The following WNK3 variants were observed in gnomAD, a reference collection of about 807,000 sequenced individuals.
WNK3 encodes serine/threonine-protein kinase WNK3.
In WNK3, 18 loss-of-function variants were observed where a neutral mutation model predicts 116.7. The ratio of observed to expected loss-of-function variants is 0.15; its 90% CI spans 0.11 to 0.23. The LOEUF (loss-of-function observed/expected upper bound fraction) is 0.23. Among genes scored for constraint, WNK3 ranks in the 10% least tolerant of loss-of-function variants. The pLI, the probability that WNK3 is intolerant of heterozygous loss-of-function variation, is 1.00. For synonymous variants in WNK3, 404 were observed against 469.4 expected (o/e 0.86, Z 1.80); for missense variants, 993 against 1,323.8 (o/e 0.75, Z 3.88).
exon 2 of WNK3, chrX:54,333,553 C>T (rs1569539173): frequency 8.3e-7 from 1 of 1,210,650 alleles, no homozygotes; most frequent in African/African-American, 1.7e-5. Context: ...CTGTTTTTCT[C>T]CTTTAGTCTA....
At chrX:54,235,254 T>G (rs934270270) in intron 20 of WNK3, among the ~76,000 whole-genome samples, 1 of 112,412 alleles carries the variant, frequency 8.9e-6, no homozygotes, top group Admixed American at 9.4e-5. Flanking sequence ...TGGAGCATTA[T>G]TCAAGCTTGT....
intron 22 of WNK3, among the ~76,000 whole-genome samples, chrX:54,203,479 C>T (rs782115977): frequency 9.0e-6 from 1 of 111,280 alleles, no homozygotes; most frequent in South Asian, 3.8e-4. Context: ...TTCTTTTAAT[C>T]ATGAAAAAAT....
intron 10 of WNK3, among the ~76,000 whole-genome samples, chrX:54,276,218 T>A (rs1276032121): frequency 9.1e-6 from 1 of 110,357 alleles, no homozygotes; most frequent in African/African-American, 3.3e-5. Flanking sequence ...TGCACGCCTG[T>A]AATCCCAGCT....
At chrX:54,205,602 CACACACACAT>C (rs1268345695) in intron 22 of WNK3, among the ~76,000 whole-genome samples, 1 of 111,878 alleles carries the variant, frequency 8.9e-6, no homozygotes, top group African/African-American at 3.2e-5. Context: ...AGAACAACTA[CACACACACAT>C]ACACACACAA....
intron 10 of WNK3, among the ~76,000 whole-genome samples, chrX:54,276,649 G>GT (rs2068451831): frequency 9.3e-6 from 1 of 107,021 alleles, no homozygotes; most frequent in African/African-American, 3.4e-5. Context: ...ATATCAACAA[G>GT]TAAAAAAAAA....
Position 54,293,127 on chromosome X carries a change from A to T in WNK3, c.1887+7T>A, listed in dbSNP as rs782779235. Reference sequence around the variant, plus strand: ...TATATATTTAAAAATATAACAGTTCACCTCACCCCTGAAACTTGCTGGTAA... The same window carrying T: ...TATATATTTAAAAATATAACAGTTCTCCTCACCCCTGAAACTTGCTGGTAA... On this transcript the variant is annotated splice_region_variant and intron_variant, in intron 9 of 23. Transcript: ENST00000354646. The T allele has an allele frequency of 1.8e-5, 21 of 1,195,557 alleles. No individual in the cohort carries two copies. Among genetic ancestry groups the T allele is most frequent in the Non-Finnish European group, 2.3e-5 (20 of 887,980 alleles).
At chrX:54,298,843 CTAAAG>C (rs1422410754) in intron 6 of WNK3, among the ~76,000 whole-genome samples, 1 of 112,121 alleles carries the variant, frequency 8.9e-6, no homozygotes, top group African/African-American at 3.2e-5. Context: ...TTTATAAACT[CTAAAG>C]TACGTTAAAA....
chrX:54,239,203 T>TTA, intron 17 of WNK3, 104 bp from the exon 18 acceptor site: 1 of 337,867 alleles, frequency 3.0e-6, no homozygotes, highest in Non-Finnish European at 4.5e-6. Flanking sequence ...GTGAAGCTTT[T>TTA]AAAAAAAAAA....
At chrX:54,273,475 G>C (rs2068407308) in intron 10 of WNK3, among the ~76,000 whole-genome samples, 2 of 111,606 alleles carry the variant, frequency 1.8e-5, no homozygotes, top group African/African-American at 6.5e-5. Context: ...CCGGAAGGCG[G>C]AGGTTGCAGT....
In WNK3 at chrX:54,271,058, C is replaced by T. The variant is rs781808130; in HGVS notation, c.2038-11720G>A. Reference sequence around the variant, plus strand: ...CCTCCCAAAGTGCTGGGATTACAGGCGTGAGCCACTGCGCCCAGCCTAAAA... The same window carrying T: ...CCTCCCAAAGTGCTGGGATTACAGGTGTGAGCCACTGCGCCCAGCCTAAAA... On this transcript the variant is annotated intron_variant, in intron 10 of 23. Transcript: ENST00000354646. Among the ~76,000 whole-genome samples, 93 of 112,018 alleles carry T rather than the reference C, an allele frequency of 8.3e-4. 1 individual carries two copies. Among genetic ancestry groups the T allele is most frequent in the Non-Finnish European group, 1.5e-3 (82 of 53,240 alleles).
chrX:54,280,504 T>C (rs1557162139), intron 10 of WNK3, among the ~76,000 whole-genome samples: 1 of 111,318 alleles, frequency 9.0e-6, no homozygotes, highest in Non-Finnish European at 1.9e-5. Context: ...AAATGGAAAT[T>C]AAGAAAACAA....
At chrX:54,237,358 T>G (rs1268940996) in exon 20 of WNK3, 3 of 1,209,843 alleles carry the variant, frequency 2.5e-6, no homozygotes, top group Non-Finnish European at 3.4e-6. Flanking sequence ...ACAGGTTTCC[T>G]GAAGAGCTTG....
In WNK3 at chrX:54,197,952, T is replaced by TA. The variant is rs782069866; in HGVS notation, c.*371dup. The stretch of plus-strand genomic sequence containing the variant: ...GTATCCAGCTGCAGATAGCAGCAGT[T>TA]AAAAAAAAAAAAAAAAAAGGCGGGG... On this transcript the variant is annotated 3_prime_UTR_variant, in exon 24 of 24. Transcript: ENST00000354646. 682 of 86,811 alleles carry TA rather than the reference T, an allele frequency of 7.9e-3. 5 individuals are homozygous for TA. The highest frequency in any genetic ancestry group is 0.016 in the Middle Eastern group (3 of 182). 7.2% of individuals were successfully genotyped at this position (86,811 alleles called of 1,213,427 possible).
exon 24 of WNK3, chrX:54,198,221 G>A: frequency 1.3e-6 from 1 of 746,692 alleles, no homozygotes; most frequent in South Asian, 4.0e-5. Context: ...AAACTCAAAT[G>A]AGGGAAAATA....
chrX:54,266,025 C>T (rs781887553), intron 10 of WNK3, among the ~76,000 whole-genome samples: 4 of 112,094 alleles, frequency 3.6e-5, no homozygotes, highest in Non-Finnish European at 5.6e-5. Flanking sequence ...TGAATTAGAC[C>T]AGCACGACAA....
chrX:54,213,584 T>TAAAAAAAAAAAAAAAA (rs2067648065), intron 22 of WNK3, among the ~76,000 whole-genome samples: 1 of 66,574 alleles, frequency 1.5e-5, no homozygotes, highest in Non-Finnish European at 2.7e-5. Context: ...AAAAAAAAAC[T>TAAAAAAAAAAAAAAAA]AGGGGAAAAA....
intron 3 of WNK3, 82 bp downstream of exon 3, chrX:54,311,037 A>G (rs1022656613): frequency 1.0e-4 from 75 of 719,086 alleles, no homozygotes; most frequent in Non-Finnish European, 1.4e-4. Context: ...TTCTTTGAGT[A>G]GTTTTATTTT....
At chrX:54,254,486 A>G (rs1284488622) in intron 12 of WNK3, among the ~76,000 whole-genome samples, 1 of 112,342 alleles carries the variant, frequency 8.9e-6, no homozygotes, top group Non-Finnish European at 1.9e-5. Context: ...TATGGACAGC[A>G]ATCTAGCAAC....
At chrX:54,267,900 C>T (rs2068333397) in intron 10 of WNK3, among the ~76,000 whole-genome samples, 1 of 110,839 alleles carries the variant, frequency 9.0e-6, no homozygotes, top group South Asian at 3.8e-4. Context: ...AAAGAGCAGG[C>T]TTGGGGTGGT....
Sources: gnomAD v4.1 joint callset for allele counts (sites outside exome capture counted in the v4.1 genomes callset) on GRCh38, gnomAD v4.1.1 for gene constraint, MANE v1.5 for transcripts, NCBI Gene and HGNC (gene_info 2026-07-23, HGNC 2026-07-21) for gene names.